The following GLDN variants were observed in gnomAD, a reference collection of about 807,000 sequenced individuals.
GLDN encodes collomin.
In GLDN, 47 loss-of-function variants were observed where a neutral mutation model predicts 56.5. That is an observed-to-expected ratio of 0.83 (90% CI 0.66 to 1.06). The LOEUF (loss-of-function observed/expected upper bound fraction) is 1.06, where lower values mean the gene tolerates loss of function less well. Ranked by LOEUF, GLDN falls within the 50% of genes least tolerant of loss-of-function variation. GLDN has a pLI of 0.00. For synonymous variants in GLDN, 332 were observed against 278.8 expected (o/e 1.19, Z -1.90); for missense variants, 782 against 714.3 (o/e 1.09, Z -1.08).
chr15:51,373,094 T>G (rs1429389246), intron 1 of GLDN, among the ~76,000 whole-genome samples: 1 of 152,146 alleles, frequency 6.6e-6, no homozygotes, highest in Non-Finnish European at 1.5e-5. Context: ...ACACATGCAT[T>G]TGGGAGGACA....
At chr15:51,352,070 A>G (rs187671164) in intron 1 of GLDN, among the ~76,000 whole-genome samples, 365 of 152,264 alleles carry the variant, frequency 2.4e-3, no homozygotes, top group Middle Eastern at 6.8e-3. Flanking sequence ...ACCATAGGCT[A>G]GGTAGCTTAT....
At chr15:51,388,132 C>T (rs763460295) in intron 4 of GLDN, among the ~76,000 whole-genome samples, 5 of 152,270 alleles carry the variant, frequency 3.3e-5, no homozygotes, top group African/African-American at 7.2e-5. Context: ...GATGTCACCT[C>T]GTATACAAGA....
At chr15:51,376,049 A>G (rs1341922813) in intron 1 of GLDN, among the ~76,000 whole-genome samples, 2 of 152,228 alleles carry the variant, frequency 1.3e-5, no homozygotes, top group Admixed American at 6.5e-5. Context: ...CTGATAGCGA[A>G]TATTCTTAGA....
chr15:51,358,773 G>A (rs187128644), intron 1 of GLDN, among the ~76,000 whole-genome samples: 4 of 152,232 alleles, frequency 2.6e-5, no homozygotes, highest in Admixed American at 1.3e-4. Flanking sequence ...ACCCTCAAAT[G>A]CTGAAGAAGA....
At chr15:51,399,259 G>C (rs1380883613) in intron 6 of GLDN, among the ~76,000 whole-genome samples, 2 of 152,200 alleles carry the variant, frequency 1.3e-5, no homozygotes, top group African/African-American at 4.8e-5. Context: ...AGAGATCATG[G>C]AGGGTCGGGC....
Position 51,360,003 on chromosome 15 carries a change from G to T in GLDN, c.364-17446G>T, listed in dbSNP as rs1186195023. On this transcript the variant is annotated intron_variant, in intron 1 of 9. Coordinates refer to ENST00000335449, the MANE Select transcript of GLDN (RefSeq NM_181789.4). ...CAAAAAAAAAAAAAAAAAGAAGAAA[G>T]CATACCTCTTTGTCACCTGACTCTA... is the stretch of plus-strand genomic sequence containing the variant. Among the ~76,000 whole-genome samples the T allele has an allele frequency of 4.1e-5, 6 of 146,222 alleles. No individual in the cohort carries two copies. In the South Asian group the frequency reaches 1.3e-3, roughly 31 times the overall value.
In GLDN at chr15:51,352,925, C is replaced by T. The variant is rs968431592; in HGVS notation, c.363+10878C>T. ...CTCCCTCCTGGCTTGGGAAGCACAGCACCTTTGTAAAACAAAAAAATTAGC... is the reference window on the plus strand; with the variant it reads ...CTCCCTCCTGGCTTGGGAAGCACAGTACCTTTGTAAAACAAAAAAATTAGC... On this transcript the variant is annotated intron_variant, in intron 1 of 9. Transcript: ENST00000335449. 2.2e-5 allele frequency among the ~76,000 whole-genome samples: 3 copies of T among 138,372 alleles called. No individual in the cohort carries two copies. The East Asian group carries it at 7.0e-4, about 32-fold the overall frequency. 90.8% of individuals were successfully genotyped at this position (138,372 alleles called of 152,430 possible).
chr15:51,388,646 G>C (rs1203813432), intron 4 of GLDN, among the ~76,000 whole-genome samples: 1 of 152,192 alleles, frequency 6.6e-6, no homozygotes, highest in Non-Finnish European at 1.5e-5. Context: ...GATATAACTT[G>C]TCTAATGTCA....
chr15:51,386,492 C>T (rs1249054392), intron 4 of GLDN, among the ~76,000 whole-genome samples: 2 of 152,182 alleles, frequency 1.3e-5, no homozygotes, highest in Non-Finnish European at 2.9e-5. Context: ...GAGGAGGGAC[C>T]AGAGGCAGCA....
chr15:51,400,870 C>T (rs1046110359), intron 8 of GLDN, among the ~76,000 whole-genome samples: 2 of 152,120 alleles, frequency 1.3e-5, no homozygotes, highest in African/African-American at 4.8e-5. Flanking sequence ...CTAAGGTTGC[C>T]GCCCTCCCAG....
In GLDN at chr15:51,399,340, T is replaced by C. The variant is rs550683654; in HGVS notation, c.818-852T>C. Among the ~76,000 whole-genome samples, 7 of 152,328 alleles carry C rather than the reference T, an allele frequency of 4.6e-5. No homozygotes were observed. The South Asian group carries it at 1.4e-3, about 32-fold the overall frequency. ...TTTCCATCAAGCAACCACAAGGTGATTTGAACCCCTCAGGATTTGAGTGGG... is the reference window on the plus strand; with the variant it reads ...TTTCCATCAAGCAACCACAAGGTGACTTGAACCCCTCAGGATTTGAGTGGG... On this transcript the variant is annotated intron_variant, in intron 6 of 9. Transcript: ENST00000335449.
At chr15:51,366,682 G>A (rs768097333) in intron 1 of GLDN, among the ~76,000 whole-genome samples, 5 of 152,210 alleles carry the variant, frequency 3.3e-5, no homozygotes, top group Admixed American at 6.5e-5. Flanking sequence ...GGAGGCTGAC[G>A]CAGGATTATT....
chr15:51,379,236 T>A (rs1276486186), intron 2 of GLDN, among the ~76,000 whole-genome samples: 2 of 152,204 alleles, frequency 1.3e-5, no homozygotes, highest in Admixed American at 6.5e-5. Context: ...CTTTTCTGAA[T>A]GCATCTTACT....
chr15:51,408,450 T>C (rs1350887735), downstream of GLDN, among the ~76,000 whole-genome samples: 1 of 152,250 alleles, frequency 6.6e-6, no homozygotes, highest in Non-Finnish European at 1.5e-5. Flanking sequence ...CTATGTGAAA[T>C]GCTCTGATAA....
At chr15:51,349,919 G>A (rs1273336847) in intron 1 of GLDN, among the ~76,000 whole-genome samples, 1 of 152,000 alleles carries the variant, frequency 6.6e-6, no homozygotes, top group Non-Finnish European at 1.5e-5. Flanking sequence ...TTTTGTGTGT[G>A]TTTTTAGTAG....
At chr15:51,365,307 TTTAATC>T (rs2037378664) in intron 1 of GLDN, among the ~76,000 whole-genome samples, 1 of 152,202 alleles carries the variant, frequency 6.6e-6, no homozygotes, top group Non-Finnish European at 1.5e-5. Context: ...AATTGGAGCT[TTTAATC>T]TTTTCTTTAC....
intron 1 of GLDN, among the ~76,000 whole-genome samples, chr15:51,372,659 T>G (rs1028467011): frequency 6.6e-6 from 1 of 152,154 alleles, no homozygotes; most frequent in African/African-American, 2.4e-5. Context: ...ATGAACTGAT[T>G]AGCAATTTAT....
rs745503110 is a variant in GLDN at position 51,400,413 on chromosome 15, G to A, written c.942G>A (p.Leu314=). ...CCATTGGAAACCCAGTGCAAGTACT[G>A]AAAGTGACAGAGACATTTGGGACTT... The part of the protein sequence containing the change: ...ITSIGNPVQV[L]KVTETFGTWI... Residue 314 remains leucine, a synonymous_variant, in exon 8 of 10, where the codon CTG becomes CTA. Coordinates refer to ENST00000335449, the MANE Select transcript of GLDN (RefSeq NM_181789.4). 6.8e-6 allele frequency: 11 copies of A among 1,614,044 alleles called. No individual in the cohort carries two copies. In the East Asian group the frequency reaches 1.8e-4, roughly 26 times the overall value.
intron 4 of GLDN, chr15:51,384,753 C>G (rs972040481): frequency 2.6e-5 from 4 of 152,306 alleles, no homozygotes; most frequent in Admixed American, 6.5e-5. Flanking sequence ...AGGCCTGGCT[C>G]TCAGCCACCC....
Sources: gnomAD v4.1 joint callset for allele counts (sites outside exome capture counted in the v4.1 genomes callset) on GRCh38, gnomAD v4.1.1 for gene constraint, MANE v1.5 for transcripts, NCBI Gene and HGNC (gene_info 2026-07-23, HGNC 2026-07-21) for gene names.